Variants in SENP6 observed in about 807,000 individuals in gnomAD.
The protein encoded by SENP6 is sentrin-specific protease 6.
In SENP6, 41 loss-of-function variants were observed where a neutral mutation model predicts 134.5. The ratio of observed to expected loss-of-function variants is 0.30; its 90% CI spans 0.24 to 0.40. The LOEUF is 0.40. Among genes scored for constraint, SENP6 ranks in the 10% least tolerant of loss-of-function variants. The pLI is 1.00. For synonymous variants in SENP6, 395 were observed against 429.8 expected, an observed-to-expected ratio of 0.92 and a Z score of 1.00; for missense variants, 1,248 against 1,312.5, an observed-to-expected ratio of 0.95 and a Z score of 0.76.
Position 75,702,725 on chromosome 6 carries a change from A to G in SENP6, c.2369A>G (p.Asn790Ser), listed in dbSNP as rs2149899871. 2 of 1,613,782 alleles carry G rather than the reference A, an allele frequency of 1.2e-6. No individual in the cohort carries two copies. Among genetic ancestry groups the G allele is most frequent in the Non-Finnish European group, 1.7e-6 (2 of 1,179,898 alleles). The change falls in exon 19 of 24, where the codon AAT (asparagine) becomes AGT (serine). Residue 790 changes from asparagine to serine, a missense_variant. Physicochemically the swap from Asn to Ser is conservative, Grantham distance 46. Transcript: ENST00000447266. Reference sequence around the variant, plus strand: ...GAACCTAATCCTCATTACCATGAAAATGCTGTCATACAGAAATGTTCAACT... The same window carrying G: ...GAACCTAATCCTCATTACCATGAAAGTGCTGTCATACAGAAATGTTCAACT... Reference protein sequence around the residue: ...KYEPNPHYHENAVIQKCSTVE... With the variant: ...KYEPNPHYHESAVIQKCSTVE...
intron 1 of SENP6, among the ~76,000 whole-genome samples, chr6:75,617,573 C>T (rs527542241): frequency 8.8e-4 from 134 of 152,100 alleles, no homozygotes; most frequent in African/African-American, 3.0e-3. Flanking sequence ...CCACTGTGCC[C>T]GGCCGGTTTA....
At chr6:75,614,208 G>A (rs553249690) in intron 1 of SENP6, among the ~76,000 whole-genome samples, 1 of 151,018 alleles carries the variant, frequency 6.6e-6, no homozygotes, top group East Asian at 1.9e-4. Flanking sequence ...AATTAACTTT[G>A]ATCACTTAGT....
In SENP6 at chr6:75,697,041, C is replaced by T. The variant is rs72654743; in HGVS notation, c.2196-384C>T. Among the ~76,000 whole-genome samples, 1,608 of 152,084 alleles carry T rather than the reference C, an allele frequency of 0.011. 61 individuals carry two copies. The East Asian group carries it at 0.14, about 13-fold the overall frequency. Reference sequence around the variant, plus strand: ...CTCATGGCTATATTGCTTCATCTACCATCAGATAATGCTCACTTTTCCTAC... The same window carrying T: ...CTCATGGCTATATTGCTTCATCTACTATCAGATAATGCTCACTTTTCCTAC... On this transcript the variant is annotated intron_variant, in intron 17 of 23. Coordinates refer to ENST00000447266, the MANE Select transcript of SENP6 (RefSeq NM_015571.4).
At chr6:75,671,854 GA>G (rs991921328) in intron 11 of SENP6, among the ~76,000 whole-genome samples, 70 of 151,932 alleles carry the variant, frequency 4.6e-4, no homozygotes, top group African/African-American at 1.6e-3. Context: ...ATGATCAAAA[GA>G]AAAAAAATTG....
At position 75,670,729 on chromosome 6, in the gene SENP6, ATC is replaced by A; in HGVS notation, c.1392+11_1392+12del. The A allele has an allele frequency of 6.3e-7, 1 of 1,579,690 alleles. No individual in the cohort carries two copies. The highest frequency in any genetic ancestry group is 8.6e-7 in the Non-Finnish European group (1 of 1,157,860). On this transcript the variant is annotated intron_variant, in intron 11 of 23. Transcript: ENST00000447266. Reference sequence around the variant, plus strand: ...TAATAGAGCCTGTAATTGTAAGTACATCTTAAGCTCTTTACTATACCAATTAT... The same window carrying A: ...TAATAGAGCCTGTAATTGTAAGTACATTAAGCTCTTTACTATACCAATTAT...
intron 6 of SENP6, chr6:75,646,890 TTTG>T (rs984845629): frequency 2.0e-5 from 3 of 152,170 alleles, no homozygotes; most frequent in African/African-American, 7.2e-5. Context: ...TACTTTTTCT[TTTG>T]TTATTTTCAT....
At chr6:75,636,377 G>A (rs1451654819) in intron 5 of SENP6, among the ~76,000 whole-genome samples, 1 of 152,118 alleles carries the variant, frequency 6.6e-6, no homozygotes, top group African/African-American at 2.4e-5. Context: ...TCCAACTGCA[G>A]CATGACTGTC....
At position 75,703,338 on chromosome 6, in the gene SENP6, A is replaced by G. The variant is rs571718661; in HGVS notation, c.2716+266A>G. ...ATTTTTAAAGAATTTACTTATAACA[A>G]TATAGTAACACAACTTACTTTTAAT... On this transcript the variant is annotated intron_variant, in intron 19 of 23. Transcript: ENST00000447266. Among the ~76,000 whole-genome samples the G allele has an allele frequency of 2.6e-5, 4 of 152,280 alleles. No individual in the cohort carries two copies. The South Asian group carries it at 6.2e-4, about 24-fold the overall frequency.
At chr6:75,616,339 C>T (rs1767843196) in intron 1 of SENP6, among the ~76,000 whole-genome samples, 1 of 152,134 alleles carries the variant, frequency 6.6e-6, no homozygotes, top group Non-Finnish European at 1.5e-5. Flanking sequence ...AGGTTGCCCC[C>T]AAACTTTTAA....
Position 75,672,896 on chromosome 6 carries a change from C to T in SENP6, c.1392+2176C>T, listed in dbSNP as rs1011265434. Among the ~76,000 whole-genome samples, 19 of 151,362 alleles carry T rather than the reference C, an allele frequency of 1.3e-4. 1 individual carries two copies. The highest frequency in any genetic ancestry group is 5.9e-4 in the Admixed American group (9 of 15,218). Reference sequence around the variant, plus strand: ...AGGCTGGAGTGCAGTGGCGCAATCTCGGCTCACTGCAAGCTCCGCCTCCTG... The same window carrying T: ...AGGCTGGAGTGCAGTGGCGCAATCTTGGCTCACTGCAAGCTCCGCCTCCTG... On this transcript the variant is annotated intron_variant, in intron 11 of 23. Coordinates refer to ENST00000447266, the MANE Select transcript of SENP6 (RefSeq NM_015571.4).
At chr6:75,694,966 A>G (rs928921282) in intron 16 of SENP6, among the ~76,000 whole-genome samples, 8 of 151,674 alleles carry the variant, frequency 5.3e-5, no homozygotes, top group Non-Finnish European at 7.4e-5. Context: ...CCTCTGCCTC[A>G]TAGGTTCAAG....
Position 75,633,793 on chromosome 6 carries a change from A to G in SENP6, c.353+67A>G. ...GAAGAGTTTGACACCAAAAACTTAG[A>G]AGCTAATAGGCCCAACCTGTACCTT... On this transcript the variant is annotated intron_variant, in intron 4 of 23. Coordinates refer to ENST00000447266, the MANE Select transcript of SENP6 (RefSeq NM_015571.4). The G allele has an allele frequency of 2.8e-6, 4 of 1,418,150 alleles. No individual in the cohort carries two copies. The South Asian group carries it at 5.8e-5, about 20-fold the overall frequency. The allele number at this position is 1,418,150 out of a possible 1,614,324, so 87.8% of individuals were successfully genotyped here.
At chr6:75,689,138 G>A (rs1774057176) in intron 16 of SENP6, among the ~76,000 whole-genome samples, 1 of 152,270 alleles carries the variant, frequency 6.6e-6, no homozygotes, top group African/African-American at 2.4e-5. Context: ...GAGATGGGAG[G>A]ATCACTTGAG....
At chr6:75,651,376 C>T (rs771284922) in intron 7 of SENP6, among the ~76,000 whole-genome samples, 2 of 152,134 alleles carry the variant, frequency 1.3e-5, no homozygotes, top group African/African-American at 2.4e-5. Flanking sequence ...GTTTTTGAGA[C>T]AGGGTCTTGC....
chr6:75,691,112 GAATT>G (rs1379750481), intron 16 of SENP6, among the ~76,000 whole-genome samples: 1 of 150,472 alleles, frequency 6.6e-6, no homozygotes, highest in Non-Finnish European at 1.5e-5. Flanking sequence ...CAAAGTGCTG[GAATT>G]ACAGGCGATT....
At chr6:75,614,682 A>C (rs494761) in intron 1 of SENP6, among the ~76,000 whole-genome samples, 149,005 of 152,306 alleles carry the variant, frequency 0.98, 72,977 homozygotes, top group East Asian at 1. Context: ...ATGATTCATG[A>C]CTGAATCCCC....
chr6:75,629,711 A>G (rs1490954726), intron 3 of SENP6, among the ~76,000 whole-genome samples: 1 of 152,198 alleles, frequency 6.6e-6, no homozygotes, highest in Non-Finnish European at 1.5e-5. Flanking sequence ...TTGGATTTTG[A>G]ATAGCTTACA....
At chr6:75,604,153 T>C (rs1766844917) in intron 1 of SENP6, among the ~76,000 whole-genome samples, 1 of 152,132 alleles carries the variant, frequency 6.6e-6, no homozygotes, top group Non-Finnish European at 1.5e-5. Context: ...TGGATGAACA[T>C]AGGGAGGATT....
intron 10 of SENP6, among the ~76,000 whole-genome samples, chr6:75,669,398 A>G (rs922179371): frequency 6.6e-6 from 1 of 152,210 alleles, no homozygotes; most frequent in Non-Finnish European, 1.5e-5. Context: ...AAATCTGTTA[A>G]TAAGCCTGAA....
Sources: gnomAD v4.1 joint callset for allele counts (sites outside exome capture counted in the v4.1 genomes callset) on GRCh38, gnomAD v4.1.1 for gene constraint, MANE v1.5 for transcripts, NCBI Gene and HGNC (gene_info 2026-07-23, HGNC 2026-07-21) for gene names.